Variants in AKR1C2 observed in about 807,000 individuals in gnomAD.
The protein encoded by AKR1C2 is aldo-keto reductase family 1 member C2.
In AKR1C2, 27 loss-of-function variants were observed where a neutral mutation model predicts 39.8. That is an observed-to-expected ratio of 0.68 (90% CI 0.50 to 0.93). The LOEUF (loss-of-function observed/expected upper bound fraction) is 0.93, where lower values mean the gene tolerates loss of function less well. Among genes scored for constraint, AKR1C2 ranks in the 40% least tolerant of loss-of-function variants. AKR1C2 has a pLI of 0.00. For synonymous variants in AKR1C2, 114 were observed against 137.9 expected, an observed-to-expected ratio of 0.83 and a Z score of 1.22; for missense variants, 263 against 365.1, an observed-to-expected ratio of 0.72 and a Z score of 2.28.
At chr10:5,016,120 C>T (rs1837634547) in intron 1 of AKR1C2, among the ~76,000 whole-genome samples, 1 of 152,156 alleles carries the variant, frequency 6.6e-6, no homozygotes, top group East Asian at 1.9e-4. Flanking sequence ...TGGGTGGGGA[C>T]ACAGAGCCAA....
Position 5,014,690 on chromosome 10 carries a change from C to T in AKR1C2, c.-88+3210G>A, listed in dbSNP as rs374437220. Among the ~76,000 whole-genome samples, 30 of 152,334 alleles carry T rather than the reference C, an allele frequency of 2.0e-4. No individual in the cohort carries two copies. In the East Asian group the frequency reaches 2.7e-3, roughly 14 times the overall value. On this transcript the variant is annotated intron_variant, in intron 1 of 6. Transcript: ENST00000604507. ...TGCCTGGCTGTGCAGTCAGTGAAAGCGTTCCCTCTAGCTAGATTGGAATTC... is the reference window on the plus strand; with the variant it reads ...TGCCTGGCTGTGCAGTCAGTGAAAGTGTTCCCTCTAGCTAGATTGGAATTC...
upstream of AKR1C2, among the ~76,000 whole-genome samples, chr10:5,006,901 G>A (rs1330709186): frequency 6.6e-6 from 1 of 151,454 alleles, no homozygotes; most frequent in Admixed American, 6.6e-5. Flanking sequence ...AGCCTCCTGA[G>A]TAGCTGGGAC....
intron 7 of AKR1C2, among the ~76,000 whole-genome samples, chr10:4,993,795 T>G (rs1836922272): frequency 6.6e-6 from 1 of 151,338 alleles, no homozygotes; most frequent in Admixed American, 6.6e-5. Context: ...AACATATATA[T>G]TATATAACAC....
upstream of AKR1C2, chr10:5,004,119 C>A: frequency 3.8e-6 from 1 of 261,088 alleles, no homozygotes. Flanking sequence ...ACATAAATTA[C>A]TCAAAGAGAT....
At chr10:4,994,092 G>A (rs747545744) in intron 7 of AKR1C2, among the ~76,000 whole-genome samples, 17 of 151,242 alleles carry the variant, frequency 1.1e-4, no homozygotes, top group African/African-American at 2.4e-4. Flanking sequence ...AAATAGTGAC[G>A]TATATACATA....
At chr10:4,992,794 C>T (rs1836885947) in intron 7 of AKR1C2, among the ~76,000 whole-genome samples, 2 of 152,036 alleles carry the variant, frequency 1.3e-5, no homozygotes, top group African/African-American at 4.8e-5. Flanking sequence ...TACTAAAATA[C>T]AAAAAATTAG....
chr10:5,000,416 G>A, intron 3 of AKR1C2, 134 bp downstream of exon 3: 1 of 1,578,180 alleles, frequency 6.3e-7, no homozygotes, highest in Non-Finnish European at 8.6e-7. Context: ...GGAATTAGGA[G>A]TTATGTTTAG....
intron 1 of AKR1C2, among the ~76,000 whole-genome samples, chr10:5,009,639 C>T (rs7088486): frequency 6.6e-6 from 1 of 151,624 alleles, no homozygotes; most frequent in African/African-American, 2.4e-5. Context: ...AGCCTGGATA[C>T]TCGTGCCCCT....
At position 4,991,546 on chromosome 10, in the gene AKR1C2, G is replaced by T. The variant is rs1264308629; in HGVS notation, c.929+285C>A. 2.6e-5 allele frequency among the ~76,000 whole-genome samples: 4 copies of T among 152,158 alleles called. No homozygotes were observed. The East Asian group carries it at 5.8e-4, about 22-fold the overall frequency. The stretch of plus-strand genomic sequence containing the variant: ...ACACTAGACAGTAATACAAACGGCA[G>T]GCCTACATGGAAGGTGCAGATTCAG... On this transcript the variant is annotated intron_variant, in intron 8 of 8. Coordinates refer to ENST00000380753, the MANE Select transcript of AKR1C2 (RefSeq NM_001393392.1).
chr10:5,016,880 C>A (rs1554775398), intron 1 of AKR1C2, among the ~76,000 whole-genome samples: 1 of 152,254 alleles, frequency 6.6e-6, no homozygotes, highest in African/African-American at 2.4e-5. Context: ...CTCTTAGTCT[C>A]TGAGCAGGCA....
Position 4,987,923 on chromosome 10 carries a change from A to C in AKR1C2, c.*2073T>G, listed in dbSNP as rs1244839541. 1 of 149,096 alleles carries C rather than the reference A, an allele frequency of 6.7e-6. No homozygotes were observed. The highest frequency in any genetic ancestry group is 1.5e-5 in the Non-Finnish European group (1 of 67,386). The allele number at this position is 149,096 out of a possible 1,614,324, so 9.2% of individuals were successfully genotyped here. A position where few individuals can be genotyped will look rare whatever the true frequency, so the allele number is the denominator to read the frequency against. ...CTTTGAGAGAAAAAATAGGAAAATT[A>C]GTGATTGGAGGTCCCTATAAAATTT... On this transcript the variant is annotated 3_prime_UTR_variant, in exon 9 of 9. Transcript: ENST00000380753.
intron 3 of AKR1C2, chr10:4,999,703 A>C (rs1407846261): frequency 5.8e-6 from 1 of 173,484 alleles, no homozygotes; most frequent in Non-Finnish European, 1.2e-5. Context: ...AGGACCATGA[A>C]CCAATCATGG....
chr10:4,994,613 G>A (rs193163733), intron 7 of AKR1C2, among the ~76,000 whole-genome samples: 2 of 151,984 alleles, frequency 1.3e-5, no homozygotes, highest in Non-Finnish European at 2.9e-5. Flanking sequence ...GGAGGATAAA[G>A]AACTGCATGG....
Position 4,995,769 on chromosome 10 carries a change from G to T in AKR1C2, c.667C>A (p.Arg223=), listed in dbSNP as rs782266548. 14 of 1,611,272 alleles carry T rather than the reference G, an allele frequency of 8.7e-6. No individual in the cohort carries two copies. The highest frequency in any genetic ancestry group is 1.1e-5 in the Non-Finnish European group (13 of 1,179,310). The change falls in exon 6 of 9, where the codon CGA becomes AGA. Residue 223 remains arginine, a synonymous_variant. Coordinates refer to ENST00000380753, the MANE Select transcript of AKR1C2 (RefSeq NM_001393392.1). The part of the protein sequence containing the change: ...LVAYSALGSH[R]EEPWVDPNSP... ...ATCTCTTATTACCATGGTTCTTCTCGATGGGATCCCAGAGCACTATAGGCA... is the reference window on the plus strand; with the variant it reads ...ATCTCTTATTACCATGGTTCTTCTCTATGGGATCCCAGAGCACTATAGGCA...
chr10:5,008,145 A>T (rs1554774580), upstream of AKR1C2, among the ~76,000 whole-genome samples: 1 of 151,480 alleles, frequency 6.6e-6, no homozygotes, highest in African/African-American at 2.4e-5. Flanking sequence ...TGGAATTTTG[A>T]GGGGTAAGGC....
chr10:5,011,813 G>A (rs190832828), intron 1 of AKR1C2, among the ~76,000 whole-genome samples: 10 of 152,350 alleles, frequency 6.6e-5, no homozygotes, highest in African/African-American at 1.9e-4. Flanking sequence ...AGAACTTGAT[G>A]AACTGATGTG....
chr10:5,013,478 A>T (rs1837565327), intron 1 of AKR1C2: 2 of 180,976 alleles, frequency 1.1e-5, no homozygotes, highest in Non-Finnish European at 2.5e-5. Context: ...AAATGGCCCC[A>T]GTGGCCCTAA....
chr10:4,989,109 A>C lies in AKR1C2; in HGVS notation c.*887T>G, dbSNP rs1235168748. ...AAAAGATTGCATATAACAAATGAAC[A>C]GTACATTTTTACAATCTAAGAATAT... On this transcript the variant is annotated 3_prime_UTR_variant, in exon 9 of 9. Transcript: ENST00000380753. The C allele has an allele frequency of 6.6e-6, 1 of 152,336 alleles. No homozygotes were observed. The highest frequency in any genetic ancestry group is 2.4e-5 in the African/African-American group (1 of 41,576). The allele number at this position is 152,336 out of a possible 1,614,324, so 9.4% of individuals were successfully genotyped here.
At position 4,998,801 on chromosome 10, in the gene AKR1C2, T is replaced by C; in HGVS notation, c.448-54A>G. ...TTGTGTAGTCGACTGAAGAGCAAGA[T>C]AAATGTAACATAGAACTGTGAAAGC... On this transcript the variant is annotated intron_variant, in intron 4 of 8. Transcript: ENST00000380753. 5.6e-6 allele frequency: 9 copies of C among 1,608,738 alleles called. No homozygotes were observed. In the Admixed American group the frequency reaches 1.2e-4, roughly 21 times the overall value.
Sources: gnomAD v4.1 joint callset for allele counts (sites outside exome capture counted in the v4.1 genomes callset) on GRCh38, gnomAD v4.1.1 for gene constraint, MANE v1.5 for transcripts, NCBI Gene and HGNC (gene_info 2026-07-23, HGNC 2026-07-21) for gene names.